The following PHKA2 variants were observed in gnomAD, a reference collection of about 807,000 sequenced individuals.
PHKA2 encodes the protein phosphorylase kinase regulatory subunit alpha 2.
In PHKA2, 31 loss-of-function variants were observed where a neutral mutation model predicts 102.0. The observed-to-expected ratio is 0.30, with a 90% CI of 0.23 to 0.41. The LOEUF (loss-of-function observed/expected upper bound fraction) is 0.41. Ranked by LOEUF, PHKA2 falls within the 10% of genes least tolerant of loss-of-function variation. The pLI, the probability that PHKA2 is intolerant of heterozygous loss-of-function variation, is 1.00. For synonymous variants in PHKA2, 455 were observed against 416.2 expected (o/e 1.09, Z -1.13); for missense variants, 858 against 1,023.1 (o/e 0.84, Z 2.20).
At chrX:18,897,021 G>T in intron 30 of PHKA2, 142 bp downstream of exon 30, 2 of 687,428 alleles carry the variant, frequency 2.9e-6, no homozygotes, top group Non-Finnish European at 4.7e-6. Context: ...AGCAGAGAAT[G>T]CCTCGGCCCC....
chrX:18,957,104 A>G lies in PHKA2; in HGVS notation c.79-2692T>C, dbSNP rs535321465. Reference sequence around the variant, plus strand: ...TTTTTAGTAGAGACGGAGTTTCACCATGTTAGTCAGGCTGGTCTTGTGCTC... The same window carrying G: ...TTTTTAGTAGAGACGGAGTTTCACCGTGTTAGTCAGGCTGGTCTTGTGCTC... On this transcript the variant is annotated intron_variant, in intron 1 of 32. Transcript: ENST00000379942. 2.7e-5 allele frequency among the ~76,000 whole-genome samples: 3 copies of G among 112,346 alleles called. No individual in the cohort carries two copies. The South Asian group carries it at 1.1e-3, about 41-fold the overall frequency.
chrX:18,967,090 G>T (rs368001665), intron 1 of PHKA2, among the ~76,000 whole-genome samples: 1 of 111,426 alleles, frequency 9.0e-6, no homozygotes, highest in East Asian at 2.8e-4. Context: ...CTAGGCTGCC[G>T]ACTGGGTGGT....
At position 18,893,419 on chromosome X, in the gene PHKA2, A is replaced by G; in HGVS notation, c.*66T>C. ...AGCACAGGGGATCTTGGGGGACAGAAGGTTCCCAGTAAGGCTAGGGGGCAC... is the reference window on the plus strand; with the variant it reads ...AGCACAGGGGATCTTGGGGGACAGAGGGTTCCCAGTAAGGCTAGGGGGCAC... On this transcript the variant is annotated 3_prime_UTR_variant, in exon 33 of 33. Transcript: ENST00000379942. The G allele has an allele frequency of 9.3e-7, 1 of 1,072,758 alleles. No homozygotes were observed. Among genetic ancestry groups the G allele is most frequent in the South Asian group, 1.8e-5 (1 of 54,062 alleles). 88.4% of individuals were successfully genotyped at this position (1,072,758 alleles called of 1,213,427 possible). A position where few individuals can be genotyped will look rare whatever the true frequency, so the allele number is the denominator to read the frequency against.
At chrX:18,950,259 A>C (rs2048657841) in intron 4 of PHKA2, among the ~76,000 whole-genome samples, 1 of 111,702 alleles carries the variant, frequency 9.0e-6, no homozygotes, top group Admixed American at 9.4e-5. Flanking sequence ...GCTCAAATAT[A>C]ATTTGGAAAA....
At chrX:18,894,678 TTC>T (rs1166922602) in intron 31 of PHKA2, 1 of 424,733 alleles carries the variant, frequency 2.4e-6, no homozygotes, top group Admixed American at 4.1e-5. Context: ...CATTTCTGGT[TTC>T]TCTTTCCTCT....
chrX:18,926,678 A>G, intron 13 of PHKA2, 91 bp from the exon 14 acceptor site: 1 of 863,035 alleles, frequency 1.2e-6, no homozygotes, highest in Non-Finnish European at 1.7e-6. Flanking sequence ...CTGCCTGGTG[A>G]CATACACATC....
At position 18,907,029 on chromosome X, in the gene PHKA2, C is replaced by A; in HGVS notation, c.2586G>T (p.Lys862Asn). 8.4e-7 allele frequency: 1 copy of A among 1,197,023 alleles called. No individual in the cohort carries two copies. Among genetic ancestry groups the A allele is most frequent in the Non-Finnish European group, 1.1e-6 (1 of 887,637 alleles). The part of the protein sequence containing the change: ...TVGLPPEPRE[K>N]IISAPLPPEE... ...GGCTGAGGACTTACGCAGAGATGAT[C>A]TTCTCCCGGGGCTCGGGCGGCAGGC... is the stretch of plus-strand genomic sequence containing the variant. The change falls in exon 23 of 33, where the codon AAG (lysine) becomes AAT (asparagine). Residue 862 changes from lysine to asparagine, a missense_variant. Physicochemically the swap from Lys to Asn is moderately conservative, Grantham distance 94. This residue lies in a region of PHKA2 where 671 missense variants were observed against 745.2 expected (regional missense o/e 0.90). Transcript: ENST00000379942.
intron 4 of PHKA2, among the ~76,000 whole-genome samples, chrX:18,949,153 G>T (rs2048635491): frequency 9.0e-6 from 1 of 111,439 alleles, no homozygotes; most frequent in Admixed American, 9.5e-5. Context: ...ACAGAGCAAG[G>T]ATTTTAGTCC....
intron 5 of PHKA2, among the ~76,000 whole-genome samples, chrX:18,948,398 T>C (rs1449638881): frequency 9.0e-6 from 1 of 111,473 alleles, no homozygotes; most frequent in Non-Finnish European, 1.9e-5. Flanking sequence ...CACTGGAACC[T>C]GGGAGGCAGA....
intron 11 of PHKA2, among the ~76,000 whole-genome samples, chrX:18,934,007 T>C (rs183987889): frequency 5.8e-4 from 65 of 112,121 alleles, no homozygotes; most frequent in African/African-American, 1.8e-3. Flanking sequence ...TTCTCTACCA[T>C]AGAATAAGTA....
chrX:18,943,137 C>A (rs1483548675), intron 7 of PHKA2, among the ~76,000 whole-genome samples: 1 of 111,636 alleles, frequency 9.0e-6, no homozygotes, highest in African/African-American at 3.3e-5. Context: ...AGCGGGCCCT[C>A]GCTAAATAAG....
At chrX:18,894,685 T>C in intron 31 of PHKA2, 1 of 421,108 alleles carries the variant, frequency 2.4e-6, no homozygotes, top group Non-Finnish European at 4.2e-6. Flanking sequence ...GGTTTCTCTT[T>C]CCTCTTCATT....
chrX:18,917,113 G>A (rs1234033004), intron 19 of PHKA2, among the ~76,000 whole-genome samples: 2 of 110,310 alleles, frequency 1.8e-5, no homozygotes, highest in African/African-American at 3.3e-5. Flanking sequence ...GGACTCAAGC[G>A]ATCTTCCTGC....
intron 7 of PHKA2, 135 bp from the exon 8 acceptor site, chrX:18,941,810 T>C: frequency 5.9e-6 from 3 of 512,648 alleles, no homozygotes; most frequent in East Asian, 3.6e-5. Flanking sequence ...CCTACCAACA[T>C]GGCCCCTGCT....
intron 9 of PHKA2, 59 bp downstream of exon 9, chrX:18,939,936 A>T (rs1023487277): frequency 2.0e-5 from 16 of 788,842 alleles, no homozygotes; most frequent in Admixed American, 1.8e-4. Flanking sequence ...AGAACAACAC[A>T]TTGGCAACTT....
chrX:18,936,791 A>G (rs1701122453), intron 10 of PHKA2, among the ~76,000 whole-genome samples: 1 of 112,397 alleles, frequency 8.9e-6, no homozygotes, highest in South Asian at 3.7e-4. Context: ...GGGCGCTAAA[A>G]AAGTTGACCC....
At chrX:18,913,436 C>T (rs371928924) in intron 19 of PHKA2, among the ~76,000 whole-genome samples, 1 of 109,454 alleles carries the variant, frequency 9.1e-6, no homozygotes, top group Admixed American at 9.8e-5. Flanking sequence ...GATGGAGTCT[C>T]GCCTTGTTGC....
chrX:18,983,877 T>C lies in PHKA2; in HGVS notation c.56A>G (p.Gln19Arg), dbSNP rs1432353776. Residue 19 changes from glutamine (Q) to arginine (R), a missense_variant, in exon 1 of 33, where the codon CAG (glutamine) becomes CGG (arginine). This residue lies in a region of PHKA2 where 187 missense variants were observed against 277.9 expected (regional missense o/e 0.67). Transcript: ENST00000379942. ...VRLDGYARLV[Q>R]QTILCYQNPV... is the part of the protein sequence containing the mutation. ...TACCTGGTAACACAGGATGGTTTGC[T>C]GCACCAGCCGCGCGTACCCGTCCAA... is the stretch of plus-strand genomic sequence containing the variant. 2.5e-6 allele frequency: 3 copies of C among 1,211,565 alleles called. No homozygotes were observed. Among genetic ancestry groups the C allele is most frequent in the Non-Finnish European group, 3.4e-6 (3 of 894,980 alleles).
chrX:18,908,558 C>T (rs2047865814), intron 21 of PHKA2, among the ~76,000 whole-genome samples: 1 of 111,812 alleles, frequency 8.9e-6, no homozygotes, highest in Non-Finnish European at 1.9e-5. Context: ...AGGGCAGAGC[C>T]CTCCTGAAGG....
Sources: gnomAD v4.1 joint callset for allele counts (sites outside exome capture counted in the v4.1 genomes callset) on GRCh38, gnomAD v4.1.1 for gene constraint, gnomAD v4.1.1 regional missense constraint, MANE v1.5 for transcripts, NCBI Gene and HGNC (gene_info 2026-07-23, HGNC 2026-07-21) for gene names.